Variants in C3orf22 observed in about 807,000 individuals in gnomAD.
C3orf22 encodes chromosome 3 open reading frame 22.
A neutral mutation model predicts 10.8 loss-of-function variants in C3orf22; 7 were observed. That is an observed-to-expected ratio of 0.65 (90% CI 0.37 to 1.22). The LOEUF (loss-of-function observed/expected upper bound fraction) is 1.22. Ranked by LOEUF, C3orf22 falls within the 50% of genes most tolerant of loss-of-function variation. C3orf22 has a pLI of 0.02. For synonymous variants in C3orf22, 79 were observed against 78.9 expected (o/e 1.00, Z 0.00); for missense variants, 173 against 177.0 (o/e 0.98, Z 0.13).
intron 1 of C3orf22, 70 bp from the exon 2 acceptor site, chr3:126,553,500 C>T (rs987902319): frequency 8.7e-6 from 9 of 1,034,952 alleles, no homozygotes; most frequent in Non-Finnish European, 1.3e-5. Context: ...GATGAGTACC[C>T]AGCAGGGCTG....
chr3:126,534,707 C>T (rs1385422810), intron 4 of C3orf22, among the ~76,000 whole-genome samples: 1 of 143,140 alleles, frequency 7.0e-6, no homozygotes, highest in Non-Finnish European at 1.5e-5. Context: ...TTGCTGTCCT[C>T]AGCCGGGAGA....
intron 4 of C3orf22, among the ~76,000 whole-genome samples, chr3:126,534,918 T>C (rs1576751335): frequency 8.5e-6 from 1 of 117,044 alleles, no homozygotes; most frequent in Non-Finnish European, 1.7e-5. Flanking sequence ...AGCATCCCTG[T>C]CCCCAGCCGG....
intron 3 of C3orf22, 103 bp downstream of exon 3, chr3:126,551,894 G>A (rs1441557042): frequency 1.5e-6 from 2 of 1,310,672 alleles, no homozygotes; most frequent in African/African-American, 1.5e-5. Flanking sequence ...AGTGGCGCGT[G>A]CTGGGAGGAT....
At chr3:126,528,064 C>T (rs1283663149) in intron 5 of C3orf22, among the ~76,000 whole-genome samples, 2 of 151,076 alleles carry the variant, frequency 1.3e-5, no homozygotes, top group East Asian at 2.0e-4. Context: ...GGAGAGGAAA[C>T]TGCAAGCAGA....
chr3:126,556,884 ACT>A (rs1376989074), intron 1 of C3orf22, among the ~76,000 whole-genome samples: 10 of 149,774 alleles, frequency 6.7e-5, no homozygotes, highest in Admixed American at 2.7e-4. Context: ...ACACACACAG[ACT>A]CACACACATG....
At chr3:126,557,879 G>C (rs565814739) in intron 1 of C3orf22, among the ~76,000 whole-genome samples, 1 of 152,232 alleles carries the variant, frequency 6.6e-6, no homozygotes, top group Admixed American at 6.5e-5. Flanking sequence ...GGCTAAAGGG[G>C]GTCTTGGTGG....
At chr3:126,538,648 C>T (rs992911927) in intron 4 of C3orf22, among the ~76,000 whole-genome samples, 1 of 152,190 alleles carries the variant, frequency 6.6e-6, no homozygotes, top group African/African-American at 2.4e-5. Flanking sequence ...AAGCTGAAAG[C>T]AGACCTTGGC....
intron 4 of C3orf22, among the ~76,000 whole-genome samples, chr3:126,535,264 C>G (rs1936755442): frequency 6.7e-6 from 1 of 149,766 alleles, no homozygotes; most frequent in South Asian, 2.1e-4. Context: ...GACAGACAGA[C>G]AGCATCACTG....
At chr3:126,534,839 A>C (rs950899446) in intron 4 of C3orf22, among the ~76,000 whole-genome samples, 3 of 149,168 alleles carry the variant, frequency 2.0e-5, no homozygotes, top group Admixed American at 1.3e-4. Context: ...ATACACAGAG[A>C]GCATCCCTGT....
chr3:126,536,339 T>A, intron 4 of C3orf22: 1 of 1,613,776 alleles, frequency 6.2e-7, no homozygotes, highest in South Asian at 1.1e-5. Context: ...GCAGAAGCTC[T>A]ATGACCTGGA....
chr3:126,554,544 G>T (rs530416025), intron 1 of C3orf22, among the ~76,000 whole-genome samples: 3 of 152,198 alleles, frequency 2.0e-5, no homozygotes, highest in Non-Finnish European at 2.9e-5. Context: ...GATTACAGGC[G>T]TGAGCCACCG....
chr3:126,542,530 C>G, intron 4 of C3orf22: 1 of 1,537,700 alleles, frequency 6.5e-7, no homozygotes, highest in Non-Finnish European at 8.7e-7. Context: ...ACAAGATGGA[C>G]TTCCTGCTTT....
At chr3:126,542,550 C>A in intron 4 of C3orf22, 1 of 1,516,592 alleles carries the variant, frequency 6.6e-7, no homozygotes, top group East Asian at 2.5e-5. Context: ...TTCAACTACT[C>A]CGCCCCCTCC....
At chr3:126,538,289 C>T (rs1936841942) in intron 4 of C3orf22, among the ~76,000 whole-genome samples, 1 of 152,246 alleles carries the variant, frequency 6.6e-6, no homozygotes, top group Admixed American at 6.5e-5. Flanking sequence ...GAGCTGGCCT[C>T]CTGACTATAA....
chr3:126,534,262 CATATTA>C (rs1285483569), intron 4 of C3orf22, among the ~76,000 whole-genome samples: 3 of 152,172 alleles, frequency 2.0e-5, no homozygotes, highest in Non-Finnish European at 4.4e-5. Context: ...TTACTGAGAA[CATATTA>C]ATATTAATTG....
chr3:126,551,364 C>T (rs950098970), intron 3 of C3orf22, among the ~76,000 whole-genome samples: 2 of 152,212 alleles, frequency 1.3e-5, no homozygotes, highest in African/African-American at 2.4e-5. Flanking sequence ...TTCGGTGCCA[C>T]ACAGCTGTTC....
At chr3:126,539,940 G>T (rs1230708182) in intron 4 of C3orf22, among the ~76,000 whole-genome samples, 1 of 7,906 alleles carries the variant, frequency 1.3e-4, no homozygotes, top group Non-Finnish European at 3.2e-4. Flanking sequence ...CGCCACACAT[G>T]CCACACCTGC....
intron 4 of C3orf22, among the ~76,000 whole-genome samples, chr3:126,535,849 G>A (rs6764354): frequency 0.26 from 39,030 of 152,210 alleles, 5,099 homozygotes; most frequent in Admixed American, 0.29. Context: ...AAACCTTTCT[G>A]GCTGCCCATA....
chr3:126,547,506 T>C (rs1220060381), downstream of C3orf22, among the ~76,000 whole-genome samples: 1 of 152,234 alleles, frequency 6.6e-6, no homozygotes, highest in East Asian at 1.9e-4. Flanking sequence ...AGACCATGTA[T>C]GTTTTTATAA....
Sources: gnomAD v4.1 joint callset for allele counts (sites outside exome capture counted in the v4.1 genomes callset) on GRCh38, gnomAD v4.1.1 for gene constraint, MANE v1.5 for transcripts, NCBI Gene and HGNC (gene_info 2026-07-23, HGNC 2026-07-21) for gene names.